The following CYRIA variants were observed in gnomAD, a reference collection of about 807,000 sequenced individuals.
CYRIA encodes the protein CYFIP related Rac1 interactor A.
Under a neutral mutation model 43.9 loss-of-function variants are expected in CYRIA, and 15 were observed. That is an observed-to-expected ratio of 0.34 (90% CI 0.23 to 0.53). The LOEUF (loss-of-function observed/expected upper bound fraction) is 0.53. Among genes scored for constraint, CYRIA ranks in the 20% least tolerant of loss-of-function variants. The probability of loss-of-function intolerance (pLI) is 0.94; values close to 1 mark genes in which losing one functional copy is unlikely to be tolerated. For missense variants in CYRIA, 236 were observed against 394.2 expected (o/e 0.60, Z 3.40); for synonymous variants, 117 against 136.0 (o/e 0.86, Z 0.97).
rs1666458216 is a variant in CYRIA at position 16,555,082 on chromosome 2, G to A, written c.895C>T (p.Leu299=). 1 of 1,613,008 alleles carries A rather than the reference G, an allele frequency of 6.2e-7. No homozygotes were observed. The highest frequency in any genetic ancestry group is 1.3e-5 in the African/African-American group (1 of 74,864). ...GTTGAAGCTCACCTGAGGGCATTTAGCAGCCCCTCCACACTGTCTGGGGCC... is the reference window on the plus strand; with the variant it reads ...GTTGAAGCTCACCTGAGGGCATTTAACAGCCCCTCCACACTGTCTGGGGCC... ...EQAPDSVEGL[L]NALRFTTKHL... is the part of the protein sequence containing the mutation. Residue 299 remains leucine, a synonymous_variant, in exon 11 of 12, where the codon CTA becomes TTA. Transcript: ENST00000381323.
intron 2 of CYRIA, among the ~76,000 whole-genome samples, chr2:16,599,833 T>C (rs954531168): frequency 1.2e-4 from 19 of 152,324 alleles, no homozygotes; most frequent in African/African-American, 4.6e-4. Context: ...CTCAGCTCAC[T>C]GCAACCTCTG....
At chr2:16,565,902 A>C in intron 3 of CYRIA, 135 bp from the exon 4 acceptor site, 1 of 805,802 alleles carries the variant, frequency 1.2e-6, no homozygotes, top group East Asian at 3.3e-5. Context: ...TTAACCTAAT[A>C]AGCTGCTAGG....
chr2:16,583,938 T>C (rs1667639437), intron 3 of CYRIA, among the ~76,000 whole-genome samples: 2 of 152,226 alleles, frequency 1.3e-5, no homozygotes, highest in South Asian at 2.1e-4. Context: ...TCTAATTTTG[T>C]ATTGTTTTGA....
chr2:16,560,697 A>C (rs1214613255), intron 9 of CYRIA: 3 of 433,764 alleles, frequency 6.9e-6, no homozygotes, highest in East Asian at 4.3e-5. Flanking sequence ...CACACCCTCC[A>C]TTTGGTTCTT....
intron 3 of CYRIA, among the ~76,000 whole-genome samples, chr2:16,585,567 A>G (rs1173767945): frequency 6.6e-6 from 1 of 152,190 alleles, no homozygotes; most frequent in East Asian, 1.9e-4. Flanking sequence ...CTCTAGCCCC[A>G]GTAATAAGCT....
chr2:16,606,889 AG>A (rs1209148233), intron 2 of CYRIA, among the ~76,000 whole-genome samples: 1 of 152,212 alleles, frequency 6.6e-6, no homozygotes, highest in Admixed American at 6.5e-5. Flanking sequence ...AAAGGAGCAA[AG>A]GAAATTTGCT....
At chr2:16,611,394 T>A (rs1668598550) in intron 2 of CYRIA, among the ~76,000 whole-genome samples, 1 of 151,958 alleles carries the variant, frequency 6.6e-6, no homozygotes, top group South Asian at 2.1e-4. Context: ...TGGTAACCAG[T>A]CAAAGAAATA....
chr2:16,620,109 G>A (rs189559299), intron 2 of CYRIA, among the ~76,000 whole-genome samples: 39 of 152,286 alleles, frequency 2.6e-4, no homozygotes, highest in Admixed American at 1.9e-3. Context: ...TGATGTTCAC[G>A]GCCCAACACA....
chr2:16,634,725 A>G (rs1669440421), intron 1 of CYRIA, among the ~76,000 whole-genome samples: 1 of 152,238 alleles, frequency 6.6e-6, no homozygotes, highest in Admixed American at 6.5e-5. Flanking sequence ...GATCAGCAGC[A>G]CACATGGACT....
At chr2:16,653,965 T>C (rs1312122052) in intron 1 of CYRIA, among the ~76,000 whole-genome samples, 1 of 152,158 alleles carries the variant, frequency 6.6e-6, no homozygotes, top group Non-Finnish European at 1.5e-5. Flanking sequence ...GAGCCAGTAG[T>C]GGGGCAGGCT....
intron 11 of CYRIA, 140 bp downstream of exon 11, chr2:16,554,929 C>T (rs1427334468): frequency 1.7e-6 from 1 of 571,648 alleles, no homozygotes; most frequent in African/African-American, 1.9e-5. Flanking sequence ...ATGGTGCTGA[C>T]CTCAAAAGAT....
At chr2:16,600,489 T>C (rs1668166481) in intron 2 of CYRIA, among the ~76,000 whole-genome samples, 1 of 152,222 alleles carries the variant, frequency 6.6e-6, no homozygotes, top group Non-Finnish European at 1.5e-5. Context: ...GGGTATGCAC[T>C]GAGAGAAGAC....
At chr2:16,643,300 A>C (rs1405236746) in intron 1 of CYRIA, among the ~76,000 whole-genome samples, 1 of 152,164 alleles carries the variant, frequency 6.6e-6, no homozygotes, top group East Asian at 1.9e-4. Context: ...AATGGCATTG[A>C]GCCACAGAGA....
chr2:16,625,966 C>T (rs748479044), intron 1 of CYRIA, among the ~76,000 whole-genome samples: 2 of 151,944 alleles, frequency 1.3e-5, no homozygotes, highest in Non-Finnish European at 2.9e-5. Flanking sequence ...GTCAGTCAGG[C>T]GGAACACCGG....
chr2:16,614,157 A>G (rs2103495723), intron 2 of CYRIA, among the ~76,000 whole-genome samples: 1 of 152,122 alleles, frequency 6.6e-6, no homozygotes, highest in Middle Eastern at 3.4e-3. Flanking sequence ...GTCAGAAAAT[A>G]CTCTGGAAAT....
chr2:16,588,942 A>G (rs1214785168), intron 2 of CYRIA, among the ~76,000 whole-genome samples: 1 of 152,154 alleles, frequency 6.6e-6, no homozygotes, highest in African/African-American at 2.4e-5. Context: ...AACCTCTTAC[A>G]TATCAGCAGT....
rs574046411 is a variant in CYRIA at position 16,650,367 on chromosome 2, T to C, written c.-167+15413A>G. On this transcript the variant is annotated intron_variant, in intron 1 of 11. Transcript: ENST00000381323. The surrounding 1 kb of genome is among the most constrained non-coding windows in gnomAD (Gnocchi z 4.1). ...AGCTATATACTCAGCTGAATGAGTA[T>C]ATAGTATAAAACAAGACTGACTCAC... 2.9e-4 allele frequency among the ~76,000 whole-genome samples: 44 copies of C among 152,172 alleles called. No homozygotes were observed. The highest frequency in any genetic ancestry group is 5.0e-4 in the Non-Finnish European group (34 of 68,028).
rs549759522 is a variant in CYRIA, at chr2:16,622,502, G to C, written c.-11+1362C>G. 5.3e-5 allele frequency among the ~76,000 whole-genome samples: 8 copies of C among 152,324 alleles called. No individual in the cohort carries two copies. The East Asian group carries it at 1.5e-3, about 29-fold the overall frequency. On this transcript the variant is annotated intron_variant, in intron 2 of 11. Transcript: ENST00000381323. ...GATATGGGATCAAAGCTATATTCAA[G>C]TAGCTCTAAAAAAGGGTAGGTAGGG...
chr2:16,619,305 A>G lies in CYRIA; in HGVS notation c.-11+4559T>C, dbSNP rs113488107. Among the ~76,000 whole-genome samples, 580 of 152,298 alleles carry G rather than the reference A, an allele frequency of 3.8e-3. 4 individuals are homozygous for G. The highest frequency in any genetic ancestry group is 0.012 in the African/African-American group (490 of 41,560). On this transcript the variant is annotated intron_variant, in intron 2 of 11. Coordinates refer to ENST00000381323, the MANE Select transcript of CYRIA (RefSeq NM_030797.4). ...TATATACATACACACATATATACCC[A>G]TATATACACACACGTAGGTACATGC...
Sources: gnomAD v4.1 joint callset for allele counts (sites outside exome capture counted in the v4.1 genomes callset) on GRCh38, gnomAD v4.1.1 for gene constraint, Gnocchi (gnomAD v3.1) non-coding constraint, MANE v1.5 for transcripts, NCBI Gene and HGNC (gene_info 2026-07-23, HGNC 2026-07-21) for gene names.